The following CNTN4 variants were observed in gnomAD, a reference collection of about 807,000 sequenced individuals.
The protein encoded by CNTN4 is contactin-4.
In CNTN4, 77 loss-of-function variants were observed where a neutral mutation model predicts 122.5. That is an observed-to-expected ratio of 0.63 (90% CI 0.52 to 0.76). The LOEUF (loss-of-function observed/expected upper bound fraction) is 0.76. CNTN4 is among the 30% of genes least tolerant of loss of function. The pLI, the probability that CNTN4 is intolerant of heterozygous loss-of-function variation, is 0.00. For missense variants in CNTN4, 1,256 were observed against 1,259.1 expected, an observed-to-expected ratio of 1.00 and a Z score of 0.04; for synonymous variants, 512 against 447.0, an observed-to-expected ratio of 1.15 and a Z score of -1.83.
intron 6 of CNTN4, among the ~76,000 whole-genome samples, chr3:2,784,903 A>G (rs2091748023): frequency 2.0e-5 from 3 of 152,184 alleles, no homozygotes; most frequent in Non-Finnish European, 1.5e-5. Flanking sequence ...TGGTATGAGT[A>G]TAGGGAAGAT....
At chr3:2,868,211 A>C (rs781598797) in intron 8 of CNTN4, among the ~76,000 whole-genome samples, 64 of 152,330 alleles carry the variant, frequency 4.2e-4, no homozygotes, top group Non-Finnish European at 2.9e-4. Context: ...TATGTGAATT[A>C]TCTCATTTAA....
At chr3:2,478,067 T>C (rs1174240425) in intron 3 of CNTN4, among the ~76,000 whole-genome samples, 1 of 152,250 alleles carries the variant, frequency 6.6e-6, no homozygotes, top group Admixed American at 6.5e-5. Context: ...TCCTATTTTA[T>C]CTTCAATAAT....
intron 12 of CNTN4, among the ~76,000 whole-genome samples, chr3:2,924,071 C>T (rs1382183949): frequency 6.6e-6 from 1 of 151,942 alleles, no homozygotes; most frequent in Non-Finnish European, 1.5e-5. Flanking sequence ...TATCAATTGC[C>T]TACTAGATTC....
intron 4 of CNTN4, among the ~76,000 whole-genome samples, chr3:2,600,793 T>C (rs2081009563): frequency 6.6e-6 from 1 of 152,198 alleles, no homozygotes; most frequent in African/African-American, 2.4e-5. Flanking sequence ...TCCACAATGG[T>C]TGAACTAGTT....
At chr3:2,179,989 A>T (rs1404143303) in intron 2 of CNTN4, among the ~76,000 whole-genome samples, 1 of 151,610 alleles carries the variant, frequency 6.6e-6, no homozygotes, top group African/African-American at 2.4e-5. Context: ...GATTTTACTT[A>T]TAGCACATCT....
At chr3:2,488,432 G>T (rs182341159) in intron 3 of CNTN4, among the ~76,000 whole-genome samples, 39 of 152,230 alleles carry the variant, frequency 2.6e-4, no homozygotes, top group Non-Finnish European at 5.1e-4. Flanking sequence ...TGTCTACATT[G>T]TTCCAGTGTG....
chr3:2,947,758 A>G (rs1246409871), intron 13 of CNTN4, among the ~76,000 whole-genome samples: 3 of 152,226 alleles, frequency 2.0e-5, no homozygotes, highest in Admixed American at 6.5e-5. Context: ...TCCATTATAG[A>G]TACCAGACAT....
chr3:2,445,410 C>G (rs747893433), intron 3 of CNTN4, among the ~76,000 whole-genome samples: 2 of 151,974 alleles, frequency 1.3e-5, no homozygotes, highest in African/African-American at 2.4e-5. Flanking sequence ...TGATAAATCT[C>G]GAAGATAGAG....
intron 2 of CNTN4, among the ~76,000 whole-genome samples, chr3:2,101,692 A>G (rs750899960): frequency 7.9e-5 from 12 of 152,216 alleles, no homozygotes; most frequent in South Asian, 2.1e-4. Flanking sequence ...AAATCTGACA[A>G]CATATCAATA....
intron 3 of CNTN4, among the ~76,000 whole-genome samples, chr3:2,355,711 C>A (rs2044844128): frequency 6.6e-6 from 1 of 152,126 alleles, no homozygotes; most frequent in Non-Finnish European, 1.5e-5. Context: ...CTAACATGAC[C>A]CACTGGATTG....
intron 2 of CNTN4, among the ~76,000 whole-genome samples, chr3:2,260,129 A>C (rs1172581528): frequency 6.6e-6 from 1 of 152,122 alleles, no homozygotes; most frequent in Middle Eastern, 3.2e-3. Context: ...AAGAATGGGG[A>C]TAGCAATTCT....
intron 14 of CNTN4, among the ~76,000 whole-genome samples, chr3:2,989,908 A>G (rs926794055): frequency 2.0e-5 from 3 of 152,228 alleles, no homozygotes; most frequent in African/African-American, 7.2e-5. Context: ...TCTGTTATAG[A>G]TTATTTGTGA....
At chr3:2,808,917 C>A (rs1047800894) in intron 6 of CNTN4, among the ~76,000 whole-genome samples, 31 of 152,230 alleles carry the variant, frequency 2.0e-4, no homozygotes, top group South Asian at 1.2e-3. Flanking sequence ...AGGACAAATA[C>A]AAGAAAGTTC....
intron 2 of CNTN4, among the ~76,000 whole-genome samples, chr3:2,303,616 T>A (rs1331531047): frequency 6.6e-6 from 1 of 152,250 alleles, no homozygotes; most frequent in Non-Finnish European, 1.5e-5. Flanking sequence ...TCAATGCTCA[T>A]TTGACCACAG....
chr3:2,722,964 A>G (rs1233361723), intron 4 of CNTN4, among the ~76,000 whole-genome samples: 2 of 152,194 alleles, frequency 1.3e-5, no homozygotes, highest in South Asian at 2.1e-4. Context: ...GATGAATCAC[A>G]TTTATCCATT....
intron 7 of CNTN4, among the ~76,000 whole-genome samples, chr3:2,843,820 A>G (rs969669525): frequency 3.9e-5 from 6 of 152,170 alleles, no homozygotes; most frequent in African/African-American, 1.4e-4. Flanking sequence ...CTTATAAATT[A>G]CTCAGTCTCA....
chr3:2,953,614 G>C (rs942271990), intron 13 of CNTN4, among the ~76,000 whole-genome samples: 13 of 152,064 alleles, frequency 8.5e-5, no homozygotes, highest in African/African-American at 3.1e-4. Context: ...CACTGGAGAA[G>C]TCATTTATAT....
In CNTN4 at chr3:2,859,722, A is replaced by G. The variant is rs577930564; in HGVS notation, c.455-7030A>G. On this transcript the variant is annotated intron_variant, in intron 7 of 24. Coordinates refer to ENST00000418658, the MANE Select transcript of CNTN4 (RefSeq NM_175607.3). The stretch of plus-strand genomic sequence containing the variant: ...TACAAGATTTTGTTGAAGCCTTTCC[A>G]TTTGCCTTTAAAAATCATATAAGTT... 7.9e-4 allele frequency among the ~76,000 whole-genome samples: 121 copies of G among 152,228 alleles called. 1 individual carries two copies. The highest frequency in any genetic ancestry group is 2.6e-3 in the African/African-American group (110 of 41,522).
intron 4 of CNTN4, among the ~76,000 whole-genome samples, chr3:2,710,284 C>G (rs1264550007): frequency 1.3e-5 from 2 of 152,144 alleles, no homozygotes; most frequent in African/African-American, 4.8e-5. Flanking sequence ...TAAAGCACTT[C>G]ACAGGTTGCC....
Sources: allele counts gnomAD v4.1 joint callset (sites outside exome capture counted in the v4.1 genomes callset), GRCh38; gene constraint gnomAD v4.1.1; transcripts MANE v1.5; gene names NCBI Gene and HGNC (gene_info 2026-07-23, HGNC 2026-07-21).